The following EPHB1 variants were observed in gnomAD, a reference collection of about 807,000 sequenced individuals.
EPHB1 encodes the protein ephrin type-B receptor 1.
In EPHB1, 30 loss-of-function variants were observed where a neutral mutation model predicts 94.4. The observed-to-expected ratio is 0.32, with a 90% CI of 0.24 to 0.43. EPHB1 has a LOEUF of 0.43. Among genes scored for constraint, EPHB1 ranks in the 20% least tolerant of loss-of-function variants. The probability of loss-of-function intolerance (pLI) is 1.00; values close to 1 mark genes in which losing one functional copy is unlikely to be tolerated. For synonymous variants in EPHB1, 522 were observed against 489.1 expected (o/e 1.07, Z -0.89); for missense variants, 1,055 against 1,308.3 (o/e 0.81, Z 2.99).
At chr3:135,062,948 T>C (rs1937535002) in intron 3 of EPHB1, among the ~76,000 whole-genome samples, 1 of 152,192 alleles carries the variant, frequency 6.6e-6, no homozygotes, top group Non-Finnish European at 1.5e-5. Flanking sequence ...AGGGTGTCCT[T>C]TCCTCACTTT....
Position 135,154,241 on chromosome 3 carries a change from A to C in EPHB1, c.1387A>C (p.Ile463Leu). 1 of 1,614,042 alleles carries C rather than the reference A, an allele frequency of 6.2e-7. No homozygotes were observed. Among genetic ancestry groups the C allele is most frequent in the Non-Finnish European group, 8.5e-7 (1 of 1,179,884 alleles). ...SWPQPEQPNG[I>L]ILDYEIRYYE... Reference sequence around the variant, plus strand: ...GCCACAGCCGGAGCAGCCCAATGGCATCATCCTGGACTATGAGATCCGGTA... The same window carrying C: ...GCCACAGCCGGAGCAGCCCAATGGCCTCATCCTGGACTATGAGATCCGGTA... The change falls in exon 6 of 16, where the codon ATC (isoleucine) becomes CTC (leucine). Residue 463 changes from isoleucine to leucine, a missense_variant. Transcript: ENST00000398015.
At chr3:134,815,495 G>A (rs1227638660) in intron 1 of EPHB1, among the ~76,000 whole-genome samples, 1 of 152,110 alleles carries the variant, frequency 6.6e-6, no homozygotes, top group East Asian at 1.9e-4. Context: ...AGCAAATGTG[G>A]CAAAATGTTA....
chr3:134,868,196 T>G (rs1247444297), intron 1 of EPHB1, among the ~76,000 whole-genome samples: 1 of 152,232 alleles, frequency 6.6e-6, no homozygotes, highest in African/African-American at 2.4e-5. Flanking sequence ...AGATCTCTGG[T>G]TGGCTGCTCT....
chr3:134,813,026 G>T (rs1183416485), intron 1 of EPHB1, among the ~76,000 whole-genome samples: 1 of 152,162 alleles, frequency 6.6e-6, no homozygotes, highest in Non-Finnish European at 1.5e-5. Context: ...AATTTGGGTT[G>T]CCCTGTTGTG....
At chr3:134,859,757 T>C (rs963233988) in intron 1 of EPHB1, among the ~76,000 whole-genome samples, 42 of 152,342 alleles carry the variant, frequency 2.8e-4, no homozygotes, top group African/African-American at 8.7e-4. Context: ...AGGTTAATGA[T>C]TTTGGTCAGA....
chr3:135,168,393 C>A (rs1241513553), intron 9 of EPHB1, among the ~76,000 whole-genome samples: 1 of 152,212 alleles, frequency 6.6e-6, no homozygotes, highest in African/African-American at 2.4e-5. Flanking sequence ...TCTTTCTCTC[C>A]CTGGGCCACC....
intron 3 of EPHB1, among the ~76,000 whole-genome samples, chr3:135,038,634 C>T (rs893168728): frequency 2.0e-5 from 3 of 152,002 alleles, no homozygotes; most frequent in Admixed American, 6.5e-5. Context: ...CTTAAGGTGG[C>T]GCGTCTGGAG....
chr3:134,888,946 G>A (rs554655717), intron 1 of EPHB1, among the ~76,000 whole-genome samples: 1 of 152,270 alleles, frequency 6.6e-6, no homozygotes. Context: ...GCCTGGAGGA[G>A]TTTGGCAGAT....
intron 2 of EPHB1, among the ~76,000 whole-genome samples, chr3:134,937,883 A>G (rs1015797608): frequency 6.6e-6 from 1 of 150,680 alleles, no homozygotes; most frequent in Non-Finnish European, 1.5e-5. Flanking sequence ...CGCCGTTGCC[A>G]TAGTGACCAG....
intron 10 of EPHB1, among the ~76,000 whole-genome samples, chr3:135,188,367 C>T (rs1039183194): frequency 3.0e-5 from 4 of 132,872 alleles, no homozygotes; most frequent in Admixed American, 7.5e-5. Context: ...TTGTGGTGGG[C>T]GCCAGTAATC....
At chr3:135,208,997 A>G (rs1177181056) in intron 12 of EPHB1, among the ~76,000 whole-genome samples, 1 of 152,234 alleles carries the variant, frequency 6.6e-6, no homozygotes, top group East Asian at 1.9e-4. Context: ...ATGGGAACAT[A>G]CAACAAAAAC....
intron 1 of EPHB1, among the ~76,000 whole-genome samples, chr3:134,899,460 C>A (rs947249398): frequency 1.3e-5 from 2 of 152,180 alleles, no homozygotes; most frequent in African/African-American, 4.8e-5. Context: ...CTAGAATGAC[C>A]TTCCATGCTT....
intron 1 of EPHB1, among the ~76,000 whole-genome samples, chr3:134,856,200 G>A (rs918683090): frequency 2.6e-5 from 4 of 152,146 alleles, no homozygotes; most frequent in East Asian, 1.9e-4. Flanking sequence ...GCTTTGAGAC[G>A]TCTAGACAGG....
intron 3 of EPHB1, among the ~76,000 whole-genome samples, chr3:135,069,122 G>A (rs1039261246): frequency 6.6e-6 from 1 of 150,884 alleles, no homozygotes; most frequent in Non-Finnish European, 1.5e-5. Flanking sequence ...CTAAGAAGCC[G>A]CATTACCTGA....
At chr3:135,172,755 C>G (rs2107702030) in intron 9 of EPHB1, among the ~76,000 whole-genome samples, 1 of 152,302 alleles carries the variant, frequency 6.6e-6, no homozygotes, top group East Asian at 1.9e-4. Context: ...GGAAAGTCTC[C>G]TTGGTACAAA....
At chr3:134,967,843 C>T (rs956368466) in intron 3 of EPHB1, among the ~76,000 whole-genome samples, 3 of 152,176 alleles carry the variant, frequency 2.0e-5, no homozygotes, top group African/African-American at 7.2e-5. Flanking sequence ...AGAAGAATAT[C>T]CCACTGGAGT....
intron 1 of EPHB1, among the ~76,000 whole-genome samples, chr3:134,873,433 G>A (rs2037544328): frequency 6.6e-6 from 1 of 152,224 alleles, no homozygotes; most frequent in African/African-American, 2.4e-5. Flanking sequence ...GATTCCTGCT[G>A]GATTTATCAG....
chr3:134,973,616 G>A (rs139219963), intron 3 of EPHB1, among the ~76,000 whole-genome samples: 1 of 151,948 alleles, frequency 6.6e-6, no homozygotes, highest in Non-Finnish European at 1.5e-5. Context: ...ATTTTTGGTA[G>A]AGACAGGGTT....
rs755748936 is a variant in EPHB1, at chr3:135,167,052, G to A, written c.1759+46G>A. 6 of 1,598,114 alleles carry A rather than the reference G, an allele frequency of 3.8e-6. No individual in the cohort carries two copies. The South Asian group carries it at 5.5e-5, about 15-fold the overall frequency. ...CGGTGTCTGACCCCCACAGGCCACTGAGTCAAGTGGGCTAGTGCTCAGAGC... is the reference window on the plus strand; with the variant it reads ...CGGTGTCTGACCCCCACAGGCCACTAAGTCAAGTGGGCTAGTGCTCAGAGC... On this transcript the variant is annotated intron_variant, in intron 9 of 15. Coordinates refer to ENST00000398015, the MANE Select transcript of EPHB1 (RefSeq NM_004441.5).
Sources: allele counts gnomAD v4.1 joint callset (sites outside exome capture counted in the v4.1 genomes callset), GRCh38; gene constraint gnomAD v4.1.1; transcripts MANE v1.5; gene names NCBI Gene and HGNC (gene_info 2026-07-23, HGNC 2026-07-21).